MROH1: variants seen among roughly 807,000 people sequenced by gnomAD.
MROH1 encodes the protein maestro heat-like repeat-containing protein family member 1.
MROH1 carries 117 observed loss-of-function variants against 116.5 expected under a neutral mutation model. That is an observed-to-expected ratio of 1.00 (90% CI 0.86 to 1.17). MROH1 has a LOEUF of 1.17. MROH1 is among the 50% of genes most tolerant of loss of function. MROH1 has a pLI of 0.00. For missense variants in MROH1, 1,873 were observed against 1,338.5 expected, an observed-to-expected ratio of 1.40 and a Z score of -6.23; for synonymous variants, 921 against 583.9, an observed-to-expected ratio of 1.58 and a Z score of -8.32.
intron 32 of MROH1, among the ~76,000 whole-genome samples, chr8:144,249,540 G>GC (rs1359697629): frequency 7.9e-5 from 12 of 152,158 alleles, no homozygotes. Flanking sequence ...TGAGCAGGGA[G>GC]CCCCCTCGTG....
intron 33 of MROH1, 33 bp downstream of exon 33, chr8:144,250,399 C>T: frequency 1.4e-6 from 1 of 740,230 alleles, no homozygotes; most frequent in South Asian, 1.4e-5. Context: ...TTAGGGGTCC[C>T]TCTGGAATGA....
At chr8:144,156,482 G>A (rs937297641) in intron 1 of MROH1, among the ~76,000 whole-genome samples, 1 of 151,866 alleles carries the variant, frequency 6.6e-6, no homozygotes, top group African/African-American at 2.4e-5. Context: ...CGAGGCCGGC[G>A]GATTGCCTGA....
At chr8:144,250,473 G>T (rs1842671105) in intron 33 of MROH1, 107 bp downstream of exon 33, 1 of 700,724 alleles carries the variant, frequency 1.4e-6, no homozygotes, top group Non-Finnish European at 2.6e-6. Context: ...CTTTCTGCAT[G>T]AGTTCCCATG....
In MROH1 at chr8:144,163,889, C is replaced by T. The variant is rs553024819; in HGVS notation, c.22+41C>T. Reference sequence around the variant, plus strand: ...TTGGGAGTGGCCGGGTGTGAGGCCTCTCTTGCCTCTGGGTGGTCAGGGCAG... The same window carrying T: ...TTGGGAGTGGCCGGGTGTGAGGCCTTTCTTGCCTCTGGGTGGTCAGGGCAG... On this transcript the variant is annotated intron_variant, in intron 3 of 43. Coordinates refer to ENST00000326134, the MANE Select transcript of MROH1 (RefSeq NM_032450.3). The surrounding 1 kb of genome is among the most constrained non-coding windows in gnomAD (Gnocchi z 4.4). 2.5e-6 allele frequency: 4 copies of T among 1,611,252 alleles called. No homozygotes were observed. The highest frequency in any genetic ancestry group is 2.7e-5 in the African/African-American group (2 of 74,908).
intron 1 of MROH1, among the ~76,000 whole-genome samples, chr8:144,158,202 G>A (rs1297655269): frequency 1.3e-5 from 2 of 150,744 alleles, no homozygotes; most frequent in East Asian, 3.9e-4. Context: ...CATACTGGCC[G>A]GGCTGGTCTC....
intron 32 of MROH1, 147 bp from the exon 33 acceptor site, chr8:144,250,065 C>A: frequency 1.5e-6 from 1 of 662,128 alleles, no homozygotes; most frequent in Non-Finnish European, 2.8e-6. Flanking sequence ...CACGGGGGAT[C>A]CTGGCCCTAC....
chr8:144,236,826 G>T (rs1840114658), intron 14 of MROH1, among the ~76,000 whole-genome samples: 1 of 149,424 alleles, frequency 6.7e-6, no homozygotes, highest in East Asian at 2.0e-4. Flanking sequence ...TCTATGGATG[G>T]TTTTCTAACT....
chr8:144,177,052 G>A (rs890507279), intron 4 of MROH1, among the ~76,000 whole-genome samples: 1 of 152,158 alleles, frequency 6.6e-6, no homozygotes, highest in African/African-American at 2.4e-5. Flanking sequence ...TTCCCCTGGA[G>A]AATTGGCAGG....
intron 14 of MROH1, among the ~76,000 whole-genome samples, chr8:144,234,891 CTT>C (rs781998549): frequency 4.8e-5 from 5 of 103,530 alleles, no homozygotes; most frequent in Non-Finnish European, 9.2e-5. Context: ...CTTTTTCTTT[CTT>C]TTTTTTTTTT....
chr8:144,154,047 A>G (rs1817474014), intron 1 of MROH1, among the ~76,000 whole-genome samples: 1 of 151,382 alleles, frequency 6.6e-6, no homozygotes, highest in Admixed American at 6.6e-5. Flanking sequence ...GGCGTGAGCC[A>G]AAGCGTCCAC....
chr8:144,260,847 G>T lies in MROH1; in HGVS notation c.4536+15G>T, dbSNP rs1466756607. On this transcript the variant is annotated intron_variant, in intron 40 of 43. Transcript: ENST00000326134. ...CCGTGGCCAGCGTGAGTAGCCAGGG[G>T]GTGAGTGGGATGGGGTGGGTGGCCT... is the stretch of plus-strand genomic sequence containing the variant. 18 of 777,882 alleles carry T rather than the reference G, an allele frequency of 2.3e-5. No homozygotes were observed. In the East Asian group the frequency reaches 4.4e-4, roughly 19 times the overall value. The allele number at this position is 777,882 out of a possible 1,614,324, so 48.2% of individuals were successfully genotyped here.
At chr8:144,185,013 G>A (rs565146046) in intron 7 of MROH1, among the ~76,000 whole-genome samples, 37 of 152,322 alleles carry the variant, frequency 2.4e-4, no homozygotes, top group African/African-American at 3.6e-4. Context: ...GGGGATCCCC[G>A]CGCCAGCAAG....
Position 144,191,700 on chromosome 8 carries a change from A to C in MROH1, c.715-15A>C, listed in dbSNP as rs1473725228. On this transcript the variant is annotated splice_polypyrimidine_tract_variant and intron_variant, in intron 8 of 43. Transcript: ENST00000326134. The stretch of plus-strand genomic sequence containing the variant: ...ACTGAGCAGCGTAAGCTTCCCGCCC[A>C]CTGTCCCCTCTCAGCTCCGTCTTGC... 2 of 1,611,432 alleles carry C rather than the reference A, an allele frequency of 1.2e-6. No individual in the cohort carries two copies. Among genetic ancestry groups the C allele is most frequent in the Non-Finnish European group, 1.7e-6 (2 of 1,179,470 alleles).
chr8:144,199,303 A>G (rs1588104313), intron 11 of MROH1, 103 bp downstream of exon 11: 1 of 1,223,816 alleles, frequency 8.2e-7, no homozygotes, highest in Non-Finnish European at 1.2e-6. Flanking sequence ...CTGGTCGGGG[A>G]TGAGGAGGCC....
chr8:144,192,340 G>A lies in MROH1; in HGVS notation c.887G>A (p.Ser296Asn). The change falls in exon 10 of 44, where the codon AGT (serine) becomes AAT (asparagine). Residue 296 changes from serine to asparagine, a missense_variant. Physicochemically the swap from Ser to Asn is conservative, Grantham distance 46. Coordinates refer to ENST00000326134, the MANE Select transcript of MROH1 (RefSeq NM_032450.3). Reference protein sequence around the residue: ...SLGQILEAAVSVGSRTLETQL... With the variant: ...SLGQILEAAVNVGSRTLETQL... The stretch of plus-strand genomic sequence containing the variant: ...GGCCAGATCCTCGAGGCAGCTGTGA[G>A]TGTGGGCAGCCGCACACTGGAGACC... The A allele has an allele frequency of 6.3e-7, 1 of 1,599,562 alleles. No individual in the cohort carries two copies. Among genetic ancestry groups the A allele is most frequent in the Non-Finnish European group, 8.5e-7 (1 of 1,175,768 alleles).
rs928879397 is a variant in MROH1, at chr8:144,182,715, C to T, written c.562+2192C>T. On this transcript the variant is annotated intron_variant, in intron 7 of 43. Coordinates refer to ENST00000326134, the MANE Select transcript of MROH1 (RefSeq NM_032450.3). This position sits in a 1 kb window ranked among gnomAD's most constrained non-coding sequence, Gnocchi z 4.1. Reference sequence around the variant, plus strand: ...TGAACTAGCAGGCTGAACCCTGAAGCCAGCATTCCAATCAGAGGCACCCTA... The same window carrying T: ...TGAACTAGCAGGCTGAACCCTGAAGTCAGCATTCCAATCAGAGGCACCCTA... Among the ~76,000 whole-genome samples, 1 of 152,096 alleles carries T rather than the reference C, an allele frequency of 6.6e-6. No individual in the cohort carries two copies. Among genetic ancestry groups the T allele is most frequent in the Admixed American group, 6.6e-5 (1 of 15,260 alleles).
intron 4 of MROH1, among the ~76,000 whole-genome samples, chr8:144,174,492 T>C (rs536968464): frequency 6.6e-6 from 1 of 151,586 alleles, no homozygotes; most frequent in East Asian, 1.9e-4. Flanking sequence ...TTTTTTTTTT[T>C]TTTTAAATTC....
chr8:144,199,334 G>A, intron 11 of MROH1, 134 bp downstream of exon 11: 1 of 873,112 alleles, frequency 1.1e-6, no homozygotes. Flanking sequence ...CCTCTCCTGG[G>A]CCTACCTGTG....
intron 10 of MROH1, among the ~76,000 whole-genome samples, chr8:144,193,462 C>T (rs910951249): frequency 3.9e-5 from 6 of 152,160 alleles, no homozygotes; most frequent in African/African-American, 1.4e-4. Context: ...CTCTTTCATT[C>T]TGTGAGGCCT....
Sources: gnomAD v4.1 joint callset for allele counts (sites outside exome capture counted in the v4.1 genomes callset) on GRCh38, gnomAD v4.1.1 for gene constraint, Gnocchi (gnomAD v3.1) non-coding constraint, MANE v1.5 for transcripts, NCBI Gene and HGNC (gene_info 2026-07-23, HGNC 2026-07-21) for gene names.